Variants in WT1 observed in about 807,000 individuals in gnomAD.
WT1 encodes WT1 transcription factor, also known as Wilms tumor protein.
A neutral mutation model predicts 60.8 loss-of-function variants in WT1; 8 were observed. That is an observed-to-expected ratio of 0.13 (90% CI 0.08 to 0.24). The LOEUF (loss-of-function observed/expected upper bound fraction) is 0.24, where lower values mean the gene tolerates loss of function less well. WT1 is among the 10% of genes least tolerant of loss of function. The probability of loss-of-function intolerance (pLI) is 1.00; values close to 1 mark genes in which losing one functional copy is unlikely to be tolerated. For synonymous variants in WT1, 312 were observed against 297.1 expected (o/e 1.05, Z -0.52); for missense variants, 568 against 711.8 (o/e 0.80, Z 2.30).
intron 3 of WT1, among the ~76,000 whole-genome samples, chr11:32,418,272 A>C (rs1852744400): frequency 6.7e-6 from 1 of 149,706 alleles, no homozygotes; most frequent in Admixed American, 6.7e-5. Flanking sequence ...GCCCAGTTCT[A>C]TAAGACTCTA....
intron 5 of WT1, chr11:32,400,418 C>T: frequency 2.7e-6 from 1 of 372,200 alleles, no homozygotes; most frequent in South Asian, 2.2e-5. Context: ...ATGCCTCAAG[C>T]TTCACGTTAA....
intron 5 of WT1, among the ~76,000 whole-genome samples, chr11:32,415,120 A>G (rs1031117366): frequency 2.0e-5 from 3 of 152,238 alleles, no homozygotes; most frequent in Non-Finnish European, 4.4e-5. Context: ...CTGCAAATAC[A>G]TGCCAAATTC....
At chr11:32,408,860 C>T (rs1852408655) in intron 5 of WT1, among the ~76,000 whole-genome samples, 1 of 152,190 alleles carries the variant, frequency 6.6e-6, no homozygotes, top group Non-Finnish European at 1.5e-5. Flanking sequence ...CGTGTAAATA[C>T]TGTACTCTGT....
rs5030173 is a variant in WT1, at chr11:32,427,727, C to T, written c.887+229G>A. 5.7e-3 allele frequency among the ~76,000 whole-genome samples: 876 copies of T among 152,358 alleles called. 12 individuals are homozygous for T. The highest frequency in any genetic ancestry group is 0.02 in the African/African-American group (825 of 41,582). On this transcript the variant is annotated intron_variant, in intron 3 of 9. Transcript: ENST00000452863. ...CTCGAGCGCCGCTCCTTCTTCAGCT[C>T]GAAAGAGTAATTGTCCTCATTTTTA...
chr11:32,402,665 T>A (rs1852191915), intron 5 of WT1, among the ~76,000 whole-genome samples: 1 of 152,224 alleles, frequency 6.6e-6, no homozygotes, highest in Non-Finnish European at 1.5e-5. Context: ...CCTGCTTCCA[T>A]CTCCCAAAGA....
Position 32,435,364 on chromosome 11 carries a change from C to T in WT1, c.-4G>A, listed in dbSNP as rs1185251770. 56 of 1,327,138 alleles carry T rather than the reference C, an allele frequency of 4.2e-5. No homozygotes were observed. The highest frequency in any genetic ancestry group is 3.0e-4 in the Middle Eastern group (1 of 3,350). 82.2% of individuals were successfully genotyped at this position (1,327,138 alleles called of 1,614,324 possible). A position where few individuals can be genotyped will look rare whatever the true frequency, so the allele number is the denominator to read the frequency against. ...CCTGCAGCAAGAGGAAGTCCAGGAT[C>T]GCGGCGAGGAGACGGCGGGGCCCGG... On this transcript the variant is annotated 5_prime_UTR_variant, in exon 1 of 10. Transcript: ENST00000452863.
rs2133102397 is a variant in WT1, at chr11:32,434,826, C to T, written c.535G>A (p.Ala179Thr). Residue 179 changes from alanine to threonine, a missense_variant, in exon 1 of 10, where the codon GCC becomes ACC. Around this residue, in one of 3 missense-constraint regions of WT1, gnomAD observed 523 missense variants for 565.1 expected, o/e 0.93. Coordinates refer to ENST00000452863, the MANE Select transcript of WT1 (RefSeq NM_024426.6). ...GGACCGAAGGGCCCGTAGCGACAGGCTCCGGCTGTGCCAGTGAACTGGCCG... is the reference window on the plus strand; with the variant it reads ...GGACCGAAGGGCCCGTAGCGACAGGTTCCGGCTGTGCCAGTGAACTGGCCG... 6.2e-7 allele frequency: 1 copy of T among 1,612,506 alleles called. No homozygotes were observed. Among genetic ancestry groups the T allele is most frequent in the Non-Finnish European group, 8.5e-7 (1 of 1,179,772 alleles).
intron 1 of WT1, among the ~76,000 whole-genome samples, chr11:32,431,285 T>A (rs564883524): frequency 5.1e-4 from 77 of 152,258 alleles, no homozygotes; most frequent in Admixed American, 9.8e-4. Flanking sequence ...TACCCTCTCC[T>A]GTGTGACCGG....
chr11:32,417,087 C>T (rs2133034789), intron 4 of WT1, among the ~76,000 whole-genome samples: 1 of 152,092 alleles, frequency 6.6e-6, no homozygotes, highest in South Asian at 2.1e-4. Context: ...TGGCTGTATT[C>T]TCCCTATTAT....
intron 6 of WT1, among the ~76,000 whole-genome samples, chr11:32,399,186 A>AT (rs1346151122): frequency 6.6e-6 from 1 of 151,696 alleles, no homozygotes; most frequent in Non-Finnish European, 1.5e-5. Flanking sequence ...AGAAAAAAAA[A>AT]AGACCGGTGA....
At chr11:32,390,188 C>A (rs1266367261) in intron 9 of WT1, among the ~76,000 whole-genome samples, 1 of 152,194 alleles carries the variant, frequency 6.6e-6, no homozygotes, top group Non-Finnish European at 1.5e-5. Flanking sequence ...TGCACAGAAG[C>A]TAAACCCTGT....
Position 32,416,476 on chromosome 11 carries a change from C to T in WT1, c.1016+14G>A. Reference sequence around the variant, plus strand: ...TACGCCATTTGCTTTGCCATCTCCGCATTGTCCACTCACTTGCTCTGCCCT... The same window carrying T: ...TACGCCATTTGCTTTGCCATCTCCGTATTGTCCACTCACTTGCTCTGCCCT... On this transcript the variant is annotated intron_variant, in intron 5 of 9. Transcript: ENST00000452863. 6.2e-7 allele frequency: 1 copy of T among 1,614,156 alleles called. No homozygotes were observed. The highest frequency in any genetic ancestry group is 8.5e-7 in the Non-Finnish European group (1 of 1,179,998).
At chr11:32,397,059 T>A (rs4140414) in intron 6 of WT1, among the ~76,000 whole-genome samples, 26,889 of 152,222 alleles carry the variant, frequency 0.18, 3,332 homozygotes, top group East Asian at 0.65. Context: ...CCTTCTGTGC[T>A]CTGCACACGT....
chr11:32,397,482 A>ATTTTTT (rs34861119), intron 6 of WT1, among the ~76,000 whole-genome samples: 1 of 139,680 alleles, frequency 7.2e-6, no homozygotes, highest in African/African-American at 2.7e-5. Flanking sequence ...TGCCCAGCTA[A>ATTTTTT]TTTTTTTTTT....
intron 9 of WT1, among the ~76,000 whole-genome samples, chr11:32,389,671 G>A (rs1027881257): frequency 6.6e-6 from 1 of 152,016 alleles, no homozygotes; most frequent in Admixed American, 6.6e-5. Context: ...TATCTGTGTA[G>A]ATACCCTGGA....
In WT1 at chr11:32,435,423, G is replaced by T; in HGVS notation, c.-63C>A. 12 of 446,214 alleles carry T rather than the reference G, an allele frequency of 2.7e-5. No individual in the cohort carries two copies. The highest frequency in any genetic ancestry group is 4.8e-5 in the Non-Finnish European group (12 of 249,852). The allele number at this position is 446,214 out of a possible 1,614,324, so 27.6% of individuals were successfully genotyped here. A position where few individuals can be genotyped will look rare whatever the true frequency, so the allele number is the denominator to read the frequency against. ...GCTGCCGTCCCGGCTCTGGGTGGGT[G>T]GGTGGGTGAATGAGTAGGTGGGAGG... On this transcript the variant is annotated 5_prime_UTR_variant, in exon 1 of 10. Coordinates refer to ENST00000452863, the MANE Select transcript of WT1 (RefSeq NM_024426.6).
At chr11:32,403,089 GAAGCAAC>G (rs1852203716) in intron 5 of WT1, among the ~76,000 whole-genome samples, 1 of 151,900 alleles carries the variant, frequency 6.6e-6, no homozygotes, top group African/African-American at 2.4e-5. Context: ...ACAAACAAAA[GAAGCAAC>G]AAGCAACAAG....
chr11:32,430,575 T>A, intron 1 of WT1: 1 of 1,607,144 alleles, frequency 6.2e-7, no homozygotes, highest in South Asian at 1.1e-5. Context: ...CCCAGGGCAC[T>A]GCACAATCCT....
At chr11:32,421,735 T>C (rs982158138) in intron 3 of WT1, among the ~76,000 whole-genome samples, 1 of 152,206 alleles carries the variant, frequency 6.6e-6, no homozygotes, top group African/African-American at 2.4e-5. Context: ...AAAAAAAGCC[T>C]CAGCTGTTAT....
Sources: gnomAD v4.1 joint callset for allele counts (sites outside exome capture counted in the v4.1 genomes callset) on GRCh38, gnomAD v4.1.1 for gene constraint, gnomAD v4.1.1 regional missense constraint, MANE v1.5 for transcripts, NCBI Gene and HGNC (gene_info 2026-07-23, HGNC 2026-07-21) for gene names.